LYPD6B: variants seen among roughly 807,000 people sequenced by gnomAD.
The protein encoded by LYPD6B is LY6/PLAUR domain containing 6B, also known as ly6/PLAUR domain-containing protein 6B.
LYPD6B carries 17 observed loss-of-function variants against 22.8 expected under a neutral mutation model. That is an observed-to-expected ratio of 0.75 (90% CI 0.51 to 1.12). The LOEUF (loss-of-function observed/expected upper bound fraction) is 1.12. Among genes scored for constraint, LYPD6B ranks in the 50% most tolerant of loss-of-function variants. The pLI, the probability that LYPD6B is intolerant of heterozygous loss-of-function variation, is 0.00. For synonymous variants in LYPD6B, 106 were observed against 91.6 expected (o/e 1.16, Z -0.90); for missense variants, 221 against 258.3 (o/e 0.86, Z 0.99).
At chr2:149,131,037 G>T in intron 2 of LYPD6B, 84 bp downstream of exon 2, 1 of 891,792 alleles carries the variant, frequency 1.1e-6, no homozygotes, top group South Asian at 1.4e-5. Context: ...CTCATGCTTC[G>T]CAAAAATATA....
chr2:149,054,708 C>T (rs938563832), intron 1 of LYPD6B, among the ~76,000 whole-genome samples: 1 of 151,960 alleles, frequency 6.6e-6, no homozygotes, highest in Non-Finnish European at 1.5e-5. Flanking sequence ...GATTCTGTCT[C>T]TACAAAAAAG....
At position 149,065,982 on chromosome 2, in the gene LYPD6B, G is replaced by A. The variant is rs143758840; in HGVS notation, c.-67+27181G>A. Among the ~76,000 whole-genome samples the A allele has an allele frequency of 6.0e-4, 92 of 152,160 alleles. No individual in the cohort carries two copies. The Middle Eastern group carries it at 0.017, about 28-fold the overall frequency. ...CCACCTTGGCTTCCCAAAGTGTCGG[G>A]ATTACGAGTCTGAGCTACCGCACTC... On this transcript the variant is annotated intron_variant, in intron 1 of 6. Coordinates refer to ENST00000409642, the MANE Select transcript of LYPD6B (RefSeq NM_177964.5).
At chr2:149,161,665 T>C (rs1690072552) in intron 3 of LYPD6B, among the ~76,000 whole-genome samples, 1 of 152,192 alleles carries the variant, frequency 6.6e-6, no homozygotes, top group East Asian at 1.9e-4. Flanking sequence ...GCCTTCTGCC[T>C]GTCAAACAGG....
chr2:149,133,678 T>C (rs1688171226), intron 2 of LYPD6B, among the ~76,000 whole-genome samples: 1 of 152,216 alleles, frequency 6.6e-6, no homozygotes, highest in East Asian at 1.9e-4. Context: ...TTCAGTTGGC[T>C]TTGACTTTTT....
At chr2:149,206,307 T>C (rs1399602935) in intron 4 of LYPD6B, 6 of 234,126 alleles carry the variant, frequency 2.6e-5, no homozygotes, top group African/African-American at 1.3e-4. Context: ...CTTATACTAC[T>C]CATAAATGAG....
intron 1 of LYPD6B, among the ~76,000 whole-genome samples, chr2:149,107,903 C>T (rs1686555471): frequency 6.6e-6 from 1 of 152,120 alleles, no homozygotes; most frequent in South Asian, 2.1e-4. Flanking sequence ...TATATCCTTA[C>T]TAATTGTTTT....
chr2:149,110,257 G>A (rs1686693833), intron 1 of LYPD6B, among the ~76,000 whole-genome samples: 1 of 151,920 alleles, frequency 6.6e-6, no homozygotes, highest in South Asian at 2.1e-4. Flanking sequence ...AGTTATAATA[G>A]TTTCAATGCC....
intron 1 of LYPD6B, among the ~76,000 whole-genome samples, chr2:149,127,364 G>T (rs952279443): frequency 6.6e-6 from 1 of 152,078 alleles, no homozygotes; most frequent in Non-Finnish European, 1.5e-5. Context: ...GAAATTTCTT[G>T]TGTCCTGGAA....
chr2:149,048,259 G>A (rs965187884), intron 1 of LYPD6B, among the ~76,000 whole-genome samples: 7 of 152,084 alleles, frequency 4.6e-5, no homozygotes, highest in Non-Finnish European at 8.8e-5. Flanking sequence ...TGGGCACGCC[G>A]TTCTCTTTTT....
intron 2 of LYPD6B, among the ~76,000 whole-genome samples, chr2:149,150,188 A>C (rs1304612975): frequency 6.6e-6 from 1 of 152,120 alleles, no homozygotes; most frequent in East Asian, 1.9e-4. Flanking sequence ...GGAGCCCTGA[A>C]TCTTCTTGCG....
At chr2:149,183,498 A>T (rs913886999) in intron 3 of LYPD6B, among the ~76,000 whole-genome samples, 17 of 151,912 alleles carry the variant, frequency 1.1e-4, no homozygotes, top group African/African-American at 4.1e-4. Flanking sequence ...ATGTGTATAG[A>T]TTTGTTTTCT....
intron 1 of LYPD6B, among the ~76,000 whole-genome samples, chr2:149,072,571 C>G (rs1045192400): frequency 7.6e-6 from 1 of 132,134 alleles, no homozygotes; most frequent in Admixed American, 7.5e-5. Flanking sequence ...CAGTTTCACT[C>G]TGTTGCCCAG....
At chr2:149,182,787 A>G (rs6433344) in intron 3 of LYPD6B, among the ~76,000 whole-genome samples, 130,049 of 152,178 alleles carry the variant, frequency 0.85, 56,536 homozygotes, top group South Asian at 0.97. Context: ...ATTGCCCTTC[A>G]ATAGGGTCAA....
chr2:149,055,819 G>T lies in LYPD6B; in HGVS notation c.-67+17018G>T, dbSNP rs561434327. Among the ~76,000 whole-genome samples the T allele has an allele frequency of 5.9e-5, 9 of 152,282 alleles. No homozygotes were observed. The South Asian group carries it at 1.9e-3, about 32-fold the overall frequency. On this transcript the variant is annotated intron_variant, in intron 1 of 6. Transcript: ENST00000409642. Reference sequence around the variant, plus strand: ...TACAAGATCATGTCATCTCCAAATGGAGGTAGTATTACTTCTTTCTTCCAA... The same window carrying T: ...TACAAGATCATGTCATCTCCAAATGTAGGTAGTATTACTTCTTTCTTCCAA...
chr2:149,042,988 A>G lies in LYPD6B; in HGVS notation c.-67+4187A>G, dbSNP rs527816851. Among the ~76,000 whole-genome samples the G allele has an allele frequency of 5.9e-5, 9 of 152,356 alleles. No individual in the cohort carries two copies. The East Asian group carries it at 1.7e-3, about 29-fold the overall frequency. On this transcript the variant is annotated intron_variant, in intron 1 of 6. Transcript: ENST00000409642. ...TCCTAAATATGATTTATAATGACTT[A>G]CAAAAACATGGTACCAGGTCATGAG... is the stretch of plus-strand genomic sequence containing the variant.
chr2:149,208,363 G>A lies in LYPD6B; in HGVS notation c.279G>A (p.Gly93=). Residue 93 remains glycine, a synonymous_variant, in exon 5 of 7, where the codon GGG becomes GGA. Coordinates refer to ENST00000409642, the MANE Select transcript of LYPD6B (RefSeq NM_177964.5). ...SFKCFTCENA[G]DNYNCNRWAE... Reference sequence around the variant, plus strand: ...AGTGCTTTACTTGTGAAAACGCAGGGGATAATTATAACTGCAATCGATGGG... The same window carrying A: ...AGTGCTTTACTTGTGAAAACGCAGGAGATAATTATAACTGCAATCGATGGG... 2 of 1,613,688 alleles carry A rather than the reference G, an allele frequency of 1.2e-6. No individual in the cohort carries two copies. Among genetic ancestry groups the A allele is most frequent in the Admixed American group, 3.3e-5 (2 of 60,008 alleles).
chr2:149,160,587 C>T (rs745659694), intron 2 of LYPD6B, 177 bp from the exon 3 acceptor site: 1 of 678,478 alleles, frequency 1.5e-6, no homozygotes, highest in Non-Finnish European at 2.7e-6. Flanking sequence ...CCCACCTTGA[C>T]TTGATTCCAG....
chr2:149,177,841 T>C (rs1486164517), intron 3 of LYPD6B, among the ~76,000 whole-genome samples: 1 of 151,424 alleles, frequency 6.6e-6, no homozygotes, highest in Non-Finnish European at 1.5e-5. Flanking sequence ...AAGAGTTTTT[T>C]TTTTTTTTTT....
At chr2:149,096,350 G>A (rs778410946) in intron 1 of LYPD6B, among the ~76,000 whole-genome samples, 5 of 152,160 alleles carry the variant, frequency 3.3e-5, no homozygotes, top group South Asian at 2.1e-4. Flanking sequence ...TTGTGATGGC[G>A]TGAGGTAACT....
Sources: gnomAD v4.1 joint callset for allele counts (sites outside exome capture counted in the v4.1 genomes callset) on GRCh38, gnomAD v4.1.1 for gene constraint, MANE v1.5 for transcripts, NCBI Gene and HGNC (gene_info 2026-07-23, HGNC 2026-07-21) for gene names.